Variants in RPRD1B observed in about 807,000 individuals in gnomAD.
The protein encoded by RPRD1B is regulation of nuclear pre-mRNA domain containing 1B.
Under a neutral mutation model 41.5 loss-of-function variants are expected in RPRD1B, and 11 were observed. The ratio of observed to expected loss-of-function variants is 0.27; its 90% CI spans 0.17 to 0.44. RPRD1B has a LOEUF of 0.44. Among genes scored for constraint, RPRD1B ranks in the 20% least tolerant of loss-of-function variants. RPRD1B has a pLI of 1.00. For missense variants in RPRD1B, 248 were observed against 389.9 expected (o/e 0.64, Z 3.06); for synonymous variants, 158 against 155.6 (o/e 1.02, Z -0.12).
intron 6 of RPRD1B, among the ~76,000 whole-genome samples, chr20:38,074,350 T>C (rs2074439697): frequency 6.6e-6 from 1 of 152,226 alleles, no homozygotes; most frequent in South Asian, 2.1e-4. Context: ...TGTGTGTTTC[T>C]TTATTACAAT....
rs760008563 is a variant in RPRD1B at position 38,033,929 on chromosome 20, G to C, written c.-19G>C. 6.3e-7 allele frequency: 1 copy of C among 1,598,832 alleles called. No homozygotes were observed. Among genetic ancestry groups the C allele is most frequent in the African/African-American group, 1.3e-5 (1 of 74,620 alleles). On this transcript the variant is annotated 5_prime_UTR_variant, in exon 1 of 7. Transcript: ENST00000373433. ...TGGGCGGCCCAGGCCGCTCCCTGCC[G>C]GGCCTCACTGCCGCCACCATGTCCT...
chr20:38,058,660 G>C (rs1177253052), intron 4 of RPRD1B, among the ~76,000 whole-genome samples: 1 of 152,130 alleles, frequency 6.6e-6, no homozygotes, highest in Non-Finnish European at 1.5e-5. Flanking sequence ...ATTTTGTCAA[G>C]AAAACCCAAG....
chr20:38,085,003 G>A (rs989992325), intron 6 of RPRD1B, among the ~76,000 whole-genome samples: 17 of 152,210 alleles, frequency 1.1e-4, no homozygotes, highest in Non-Finnish European at 2.2e-4. Flanking sequence ...CTGGGCTAGG[G>A]CAGGTTTGCC....
intron 6 of RPRD1B, chr20:38,083,958 A>G (rs1295844645): frequency 2.0e-5 from 3 of 151,948 alleles, no homozygotes; most frequent in Admixed American, 6.6e-5. Flanking sequence ...TTTTTCCCAC[A>G]TGGGATCTTT....
chr20:38,081,598 G>C (rs1600439788), intron 6 of RPRD1B, among the ~76,000 whole-genome samples: 1 of 152,228 alleles, frequency 6.6e-6, no homozygotes, highest in East Asian at 1.9e-4. Context: ...GTTGAACGGG[G>C]GTGGCAAGAG....
At chr20:38,067,763 C>G (rs1217836818) in intron 6 of RPRD1B, among the ~76,000 whole-genome samples, 1 of 152,210 alleles carries the variant, frequency 6.6e-6, no homozygotes, top group Non-Finnish European at 1.5e-5. Context: ...ACCAGACGGT[C>G]ATTTATCTGA....
At position 38,090,677 on chromosome 20, in the gene RPRD1B, G is replaced by A; in HGVS notation, c.*802G>A. On this transcript the variant is annotated 3_prime_UTR_variant, in exon 7 of 7. Transcript: ENST00000373433. ...TGCCTTGATCCCTGGTGGGTGCGAA[G>A]GCAGTTGTTAGGGATGGCAGGCATT... The A allele has an allele frequency of 1.0e-6, 1 of 985,506 alleles. No homozygotes were observed. Among genetic ancestry groups the A allele is most frequent in the Non-Finnish European group, 1.2e-6 (1 of 829,966 alleles). The allele number at this position is 985,506 out of a possible 1,614,324, so 61.0% of individuals were successfully genotyped here.
chr20:38,074,254 T>A (rs770907884), intron 6 of RPRD1B, among the ~76,000 whole-genome samples: 21 of 152,194 alleles, frequency 1.4e-4, no homozygotes, highest in Non-Finnish European at 2.5e-4. Context: ...GATTTGGAGT[T>A]CCTTGGATTT....
chr20:38,041,856 A>G (rs1171517131), intron 2 of RPRD1B, among the ~76,000 whole-genome samples: 1 of 152,180 alleles, frequency 6.6e-6, no homozygotes, highest in Admixed American at 6.5e-5. Context: ...CCTGTTCCAC[A>G]TTTGCTCATT....
intron 4 of RPRD1B, among the ~76,000 whole-genome samples, chr20:38,058,224 CTT>C (rs2074263187): frequency 6.6e-6 from 1 of 151,970 alleles, no homozygotes; most frequent in Non-Finnish European, 1.5e-5. Context: ...GTGTGTCTGA[CTT>C]CAGAGCCCAT....
intron 3 of RPRD1B, among the ~76,000 whole-genome samples, chr20:38,057,019 T>A (rs2074249742): frequency 6.6e-6 from 1 of 152,224 alleles, no homozygotes; most frequent in Non-Finnish European, 1.5e-5. Flanking sequence ...CAATCACATG[T>A]CTCAGTAATG....
At position 38,044,705 on chromosome 20, in the gene RPRD1B, C is replaced by T. The variant is rs13044063; in HGVS notation, c.282-3643C>T. Among the ~76,000 whole-genome samples the T allele has an allele frequency of 5.3e-5, 8 of 152,222 alleles. No individual in the cohort carries two copies. The South Asian group carries it at 1.5e-3, about 28-fold the overall frequency. On this transcript the variant is annotated intron_variant, in intron 2 of 6. Coordinates refer to ENST00000373433, the MANE Select transcript of RPRD1B (RefSeq NM_021215.4). ...TTCATTAAGAACCGTATTGCTTGCA[C>T]AAACAATTTAGGCCCAGTAAACCAC...
At chr20:38,062,754 G>A (rs372726850) in intron 5 of RPRD1B, among the ~76,000 whole-genome samples, 1 of 149,584 alleles carries the variant, frequency 6.7e-6, no homozygotes, top group African/African-American at 2.5e-5. Flanking sequence ...GATCCTCTTA[G>A]TAGAAGGCAG....
In RPRD1B at chr20:38,090,819, G is replaced by C; in HGVS notation, c.*944G>C. 1.0e-6 allele frequency: 1 copy of C among 985,474 alleles called. No homozygotes were observed. The highest frequency in any genetic ancestry group is 1.2e-6 in the Non-Finnish European group (1 of 829,952). The allele number at this position is 985,474 out of a possible 1,614,324, so 61.0% of individuals were successfully genotyped here. A position where few individuals can be genotyped will look rare whatever the true frequency, so the allele number is the denominator to read the frequency against. On this transcript the variant is annotated 3_prime_UTR_variant, in exon 7 of 7. Coordinates refer to ENST00000373433, the MANE Select transcript of RPRD1B (RefSeq NM_021215.4). ...GGTACACACTAACGTTTAATCCGCT[G>C]TCTGGGTGCATGTCCACAGTACGGT...
rs543565641 is a variant in RPRD1B, at chr20:38,041,533, T to G, written c.281+969T>G. The stretch of plus-strand genomic sequence containing the variant: ...TAACTGGCTCACCTTTTGATCAACA[T>G]GGGCGCAAGTAGCAAAATGTGTTAT... On this transcript the variant is annotated intron_variant, in intron 2 of 6. Coordinates refer to ENST00000373433, the MANE Select transcript of RPRD1B (RefSeq NM_021215.4). 2.1e-4 allele frequency among the ~76,000 whole-genome samples: 32 copies of G among 152,296 alleles called. 1 individual carries two copies. Among genetic ancestry groups the G allele is most frequent in the South Asian group, 6.2e-4 (3 of 4,824 alleles).
At chr20:38,081,930 C>T (rs2074516110) in intron 6 of RPRD1B, among the ~76,000 whole-genome samples, 1 of 152,142 alleles carries the variant, frequency 6.6e-6, no homozygotes, top group South Asian at 2.1e-4. Flanking sequence ...GGTGGATTAG[C>T]TTTTTGATGT....
intron 6 of RPRD1B, among the ~76,000 whole-genome samples, chr20:38,067,161 C>T (rs1300374179): frequency 6.6e-6 from 1 of 152,210 alleles, no homozygotes; most frequent in Middle Eastern, 3.2e-3. Context: ...CCTCACCATA[C>T]ACTTGTTTGG....
intron 3 of RPRD1B, among the ~76,000 whole-genome samples, chr20:38,048,806 C>T (rs954665202): frequency 1.3e-5 from 2 of 152,172 alleles, no homozygotes; most frequent in African/African-American, 4.8e-5. Flanking sequence ...GTAGCCTGGA[C>T]TAAGATTTTG....
chr20:38,089,887 T>TGTCCCAGATTTCTGTTTGTACCAGCA lies in RPRD1B; in HGVS notation c.*14_*39dup. On this transcript the variant is annotated 3_prime_UTR_variant, in exon 7 of 7. Transcript: ENST00000373433. ...TTTCAACTGACTAGGATGGGTGTCATGTCCCAGATTTCTGTTTGTACCAGC... is the reference window on the plus strand; with the variant it reads ...TTTCAACTGACTAGGATGGGTGTCATGTCCCAGATTTCTGTTTGTACCAGCAGTCCCAGATTTCTGTTTGTACCAGC... 6.2e-7 allele frequency: 1 copy of TGTCCCAGATTTCTGTTTGTACCAGCA among 1,608,194 alleles called. No individual in the cohort carries two copies. Among genetic ancestry groups the TGTCCCAGATTTCTGTTTGTACCAGCA allele is most frequent in the Non-Finnish European group, 8.5e-7 (1 of 1,177,616 alleles).
Sources: gnomAD v4.1 joint callset for allele counts (sites outside exome capture counted in the v4.1 genomes callset) on GRCh38, gnomAD v4.1.1 for gene constraint, MANE v1.5 for transcripts, NCBI Gene and HGNC (gene_info 2026-07-23, HGNC 2026-07-21) for gene names.